Variants in PRKN observed in about 807,000 individuals in gnomAD.
PRKN encodes the protein parkin RBR E3 ubiquitin protein ligase, also known as E3 ubiquitin-protein ligase parkin.
PRKN carries 56 observed loss-of-function variants against 59.5 expected under a neutral mutation model. The observed-to-expected ratio is 0.94, with a 90% CI of 0.76 to 1.18. PRKN has a LOEUF of 1.18. Ranked by LOEUF, PRKN falls within the 50% of genes most tolerant of loss-of-function variation. The pLI, the probability that PRKN is intolerant of heterozygous loss-of-function variation, is 0.00. For missense variants in PRKN, 657 were observed against 596.4 expected (o/e 1.10, Z -1.06); for synonymous variants, 250 against 222.1 (o/e 1.13, Z -1.12).
At chr6:161,949,711 T>C (rs1422049277) in intron 6 of PRKN, among the ~76,000 whole-genome samples, 2 of 152,280 alleles carry the variant, frequency 1.3e-5, no homozygotes, top group Admixed American at 6.5e-5. Context: ...ATTCAGCACA[T>C]GGGATTCCTC....
intron 4 of PRKN, 88 bp downstream of exon 4, chr6:162,201,043 G>T (rs953672694): frequency 1.4e-5 from 19 of 1,377,388 alleles, no homozygotes; most frequent in South Asian, 1.0e-4. Context: ...TCAAAGACGG[G>T]TGATACATCA....
chr6:161,712,160 C>T (rs906279669), intron 7 of PRKN, among the ~76,000 whole-genome samples: 5 of 152,084 alleles, frequency 3.3e-5, no homozygotes, highest in Admixed American at 1.3e-4. Context: ...TAACAGAGAC[C>T]AGATATTGAA....
chr6:162,634,472 C>T (rs1016752083), intron 1 of PRKN, among the ~76,000 whole-genome samples: 6 of 152,154 alleles, frequency 3.9e-5, no homozygotes, highest in South Asian at 2.1e-4. Context: ...TGATCACTTC[C>T]CACAGTAAGG....
At position 161,483,612 on chromosome 6, in the gene PRKN, GA is replaced by G. The variant is rs1340940995; in HGVS notation, c.1083+65241del. On this transcript the variant is annotated intron_variant, in intron 9 of 11. Transcript: ENST00000366898. This position sits in a 1 kb window ranked among gnomAD's most constrained non-coding sequence, Gnocchi z 5.0. Reference sequence around the variant, plus strand: ...CCTCACATGTCACATCCCTAAAGGTGACATCTACATTAATGCCCCTCATCCC... The same window carrying G: ...CCTCACATGTCACATCCCTAAAGGTGCATCTACATTAATGCCCCTCATCCC... Among the ~76,000 whole-genome samples, 1 of 152,142 alleles carries G rather than the reference GA, an allele frequency of 6.6e-6. No individual in the cohort carries two copies. Among genetic ancestry groups the G allele is most frequent in the African/African-American group, 2.4e-5 (1 of 41,440 alleles).
intron 1 of PRKN, among the ~76,000 whole-genome samples, chr6:162,527,702 T>C (rs143273647): frequency 1.7e-3 from 261 of 152,292 alleles, no homozygotes; most frequent in African/African-American, 6.1e-3. Context: ...CATGTAGACA[T>C]GGTCCATGTG....
chr6:161,494,129 T>C (rs138649981), intron 9 of PRKN, among the ~76,000 whole-genome samples: 3 of 152,338 alleles, frequency 2.0e-5, no homozygotes, highest in Non-Finnish European at 4.4e-5. Flanking sequence ...CCATATTTAA[T>C]AGAACATTTC....
intron 1 of PRKN, among the ~76,000 whole-genome samples, chr6:162,567,330 A>G (rs1028423758): frequency 6.6e-6 from 1 of 152,196 alleles, no homozygotes. Flanking sequence ...AAGTCAAATT[A>G]TCCTTGTCTG....
At position 162,400,876 on chromosome 6, in the gene PRKN, G is replaced by T. The variant is rs1207021993; in HGVS notation, c.171+42434C>A. ...AACTACTATATACATCATACTCTGA[G>T]TACAATGTAATATACACTTAGAAAT... On this transcript the variant is annotated intron_variant, in intron 2 of 11. Coordinates refer to ENST00000366898, the MANE Select transcript of PRKN (RefSeq NM_004562.3). Among the ~76,000 whole-genome samples the T allele has an allele frequency of 2.0e-5, 3 of 152,178 alleles. No individual in the cohort carries two copies. In the East Asian group the frequency reaches 5.8e-4, roughly 29 times the overall value.
intron 3 of PRKN, among the ~76,000 whole-genome samples, chr6:162,249,568 A>G (rs1445895194): frequency 6.6e-6 from 1 of 152,180 alleles, no homozygotes; most frequent in Admixed American, 6.6e-5. Context: ...TGCAGGCAAA[A>G]TATGGTGGAG....
intron 4 of PRKN, among the ~76,000 whole-genome samples, chr6:162,070,554 C>G (rs993755011): frequency 1.1e-4 from 16 of 152,090 alleles, no homozygotes; most frequent in African/African-American, 3.9e-4. Flanking sequence ...TTCTTCTTAA[C>G]AAGGGGGTGC....
intron 6 of PRKN, among the ~76,000 whole-genome samples, chr6:161,809,296 A>G (rs1375225220): frequency 4.7e-5 from 1 of 21,098 alleles, no homozygotes; most frequent in African/African-American, 1.7e-4. Context: ...CCGAGTCCTG[A>G]GGAATTACCA....
rs114530478 is a variant in PRKN, at chr6:161,556,807, T to A, written c.934-7804A>T. On this transcript the variant is annotated intron_variant, in intron 8 of 11. Transcript: ENST00000366898. ...TAATGTGAACTGGGTTTATATAGAG[T>A]CCACCCTCAACTGAGCTCAAAAGTG... Among the ~76,000 whole-genome samples, 947 of 152,246 alleles carry A rather than the reference T, an allele frequency of 6.2e-3. 9 individuals carry two copies. The highest frequency in any genetic ancestry group is 0.021 in the African/African-American group (889 of 41,558).
chr6:161,931,150 C>A (rs187304131), intron 6 of PRKN, among the ~76,000 whole-genome samples: 1 of 152,090 alleles, frequency 6.6e-6, no homozygotes, highest in East Asian at 1.9e-4. Flanking sequence ...AAAGTAGACA[C>A]GGCGGCTGGG....
chr6:161,833,557 T>C (rs1045267707), intron 6 of PRKN, among the ~76,000 whole-genome samples: 1 of 152,196 alleles, frequency 6.6e-6, no homozygotes, highest in Non-Finnish European at 1.5e-5. Context: ...TCTCTCTTCA[T>C]TGGTGCGAAC....
At chr6:162,186,962 A>C (rs1308843352) in intron 4 of PRKN, among the ~76,000 whole-genome samples, 3 of 152,186 alleles carry the variant, frequency 2.0e-5, no homozygotes, top group Admixed American at 1.3e-4. Context: ...AGAAAGGACT[A>C]ATACAGAGAG....
At chr6:162,439,314 C>T (rs949320698) in intron 2 of PRKN, among the ~76,000 whole-genome samples, 3 of 149,274 alleles carry the variant, frequency 2.0e-5, no homozygotes, top group Admixed American at 6.7e-5. Context: ...CTTTTCCCTT[C>T]CCTTCCCCCT....
chr6:161,368,233 G>A (rs182966524), intron 10 of PRKN, among the ~76,000 whole-genome samples: 3 of 132,180 alleles, frequency 2.3e-5, no homozygotes, highest in Non-Finnish European at 5.0e-5. Context: ...GCGAAACATG[G>A]TGAAACCCTG....
chr6:161,933,561 G>C (rs1779245612), intron 6 of PRKN, among the ~76,000 whole-genome samples: 1 of 152,108 alleles, frequency 6.6e-6, no homozygotes, highest in South Asian at 2.1e-4. Context: ...AATAACTTTG[G>C]TGTCACAGTT....
chr6:162,464,828 CA>C (rs546662031), intron 1 of PRKN, among the ~76,000 whole-genome samples: 21 of 137,290 alleles, frequency 1.5e-4, no homozygotes, highest in South Asian at 4.7e-4. Flanking sequence ...GATTCCGTCT[CA>C]AAAAAAAAAG....
Sources: allele counts gnomAD v4.1 joint callset (sites outside exome capture counted in the v4.1 genomes callset), GRCh38; gene constraint gnomAD v4.1.1; non-coding constraint Gnocchi (gnomAD v3.1); transcripts MANE v1.5; gene names NCBI Gene and HGNC (gene_info 2026-07-23, HGNC 2026-07-21).